Variants in TMEM135 observed in about 807,000 individuals in gnomAD.
TMEM135 encodes the protein transmembrane protein 135.
A neutral mutation model predicts 60.3 loss-of-function variants in TMEM135; 30 were observed. The observed-to-expected ratio is 0.50, with a 90% CI of 0.37 to 0.68. The LOEUF is 0.68. TMEM135 is among the 30% of genes least tolerant of loss of function. TMEM135 has a pLI of 0.00. For missense variants in TMEM135, 468 were observed against 548.8 expected (o/e 0.85, Z 1.47); for synonymous variants, 190 against 186.7 (o/e 1.02, Z -0.14).
intron 4 of TMEM135, among the ~76,000 whole-genome samples, chr11:87,126,928 T>A (rs544466870): frequency 6.6e-6 from 1 of 152,200 alleles, no homozygotes; most frequent in Admixed American, 6.5e-5. Context: ...AATTGTGGAA[T>A]TAGGGGGAAT....
intron 5 of TMEM135, among the ~76,000 whole-genome samples, chr11:87,171,863 C>G (rs1233406368): frequency 6.6e-6 from 1 of 152,124 alleles, no homozygotes; most frequent in Non-Finnish European, 1.5e-5. Flanking sequence ...CAACCTAGAT[C>G]CCTCCCATGT....
intron 3 of TMEM135, among the ~76,000 whole-genome samples, chr11:87,090,520 T>C (rs1023470367): frequency 1.3e-5 from 2 of 152,140 alleles, no homozygotes; most frequent in Admixed American, 1.3e-4. Flanking sequence ...ACTTTTTATA[T>C]ATATTTTATT....
chr11:87,068,432 G>GTTTA (rs1256237678), intron 2 of TMEM135, among the ~76,000 whole-genome samples: 9 of 151,946 alleles, frequency 5.9e-5, no homozygotes, highest in Non-Finnish European at 1.0e-4. Flanking sequence ...TCAAACTTAC[G>GTTTA]TTTATTTATT....
chr11:87,225,910 A>G (rs1368041048), intron 5 of TMEM135, among the ~76,000 whole-genome samples: 1 of 152,118 alleles, frequency 6.6e-6, no homozygotes, highest in Non-Finnish European at 1.5e-5. Flanking sequence ...ATAATTTATT[A>G]TTATGAATAT....
chr11:87,283,342 AAAAAG>A (rs745475947), intron 6 of TMEM135, among the ~76,000 whole-genome samples: 2 of 151,984 alleles, frequency 1.3e-5, no homozygotes, highest in Non-Finnish European at 2.9e-5. Flanking sequence ...TCAAAAAAAA[AAAAAG>A]AAAAGAAAAA....
intron 6 of TMEM135, among the ~76,000 whole-genome samples, chr11:87,276,984 A>T (rs1054400173): frequency 6.6e-6 from 1 of 151,470 alleles, no homozygotes; most frequent in African/African-American, 2.4e-5. Flanking sequence ...TTTTTAAAAA[A>T]TAATTTAATA....
chr11:87,226,320 A>C (rs1046116348), intron 5 of TMEM135, among the ~76,000 whole-genome samples: 5 of 152,126 alleles, frequency 3.3e-5, no homozygotes, highest in Admixed American at 3.3e-4. Context: ...AGTATACTTG[A>C]ATTAGTATTC....
chr11:87,111,140 C>T (rs763353419), intron 4 of TMEM135, among the ~76,000 whole-genome samples: 10 of 152,140 alleles, frequency 6.6e-5, no homozygotes, highest in East Asian at 1.9e-4. Flanking sequence ...CAAAGAAGGA[C>T]GAAGAAATGC....
intron 6 of TMEM135, among the ~76,000 whole-genome samples, chr11:87,253,606 T>C: frequency 2.5e-5 from 1 of 39,638 alleles, no homozygotes. Context: ...TCAATCAAGA[T>C]TGTTGTTTGA....
chr11:87,257,769 A>T (rs1354819237), intron 6 of TMEM135, among the ~76,000 whole-genome samples: 2 of 151,976 alleles, frequency 1.3e-5, no homozygotes, highest in African/African-American at 4.8e-5. Context: ...TTTAGGGTTG[A>T]TGAAAATGTT....
intron 6 of TMEM135, among the ~76,000 whole-genome samples, chr11:87,243,214 C>G (rs1417280028): frequency 9.1e-6 from 1 of 109,564 alleles, no homozygotes; most frequent in African/African-American, 3.6e-5. Context: ...CGATCTATAT[C>G]TCTGTTTTGG....
intron 4 of TMEM135, among the ~76,000 whole-genome samples, chr11:87,152,669 C>T (rs1371038217): frequency 2.0e-5 from 3 of 152,164 alleles, no homozygotes; most frequent in Non-Finnish European, 1.5e-5. Context: ...CAACTCCTGA[C>T]CTCAGGCGCC....
intron 3 of TMEM135, among the ~76,000 whole-genome samples, chr11:87,076,315 C>G (rs1274077817): frequency 6.6e-6 from 1 of 152,216 alleles, no homozygotes; most frequent in Non-Finnish European, 1.5e-5. Flanking sequence ...TGGGCACCAC[C>G]ACCACCAGCC....
At chr11:87,302,670 G>T (rs1434583952) in intron 8 of TMEM135, among the ~76,000 whole-genome samples, 1 of 152,122 alleles carries the variant, frequency 6.6e-6, no homozygotes, top group Non-Finnish European at 1.5e-5. Flanking sequence ...GCATAAAATT[G>T]GAATACTTTT....
intron 10 of TMEM135, among the ~76,000 whole-genome samples, chr11:87,312,940 G>A (rs1942666554): frequency 6.6e-6 from 1 of 151,816 alleles, no homozygotes; most frequent in Admixed American, 6.6e-5. Context: ...TTTGTCTGGT[G>A]TCATATTCCT....
At chr11:87,076,303 T>C (rs1415620481) in intron 3 of TMEM135, among the ~76,000 whole-genome samples, 1 of 152,194 alleles carries the variant, frequency 6.6e-6, no homozygotes, top group African/African-American at 2.4e-5. Context: ...AGCCTCTCCA[T>C]GTGGGCACCA....
At chr11:87,247,661 G>T (rs186207692) in intron 6 of TMEM135, among the ~76,000 whole-genome samples, 11 of 152,308 alleles carry the variant, frequency 7.2e-5, no homozygotes, top group South Asian at 6.2e-4. Context: ...CTCCGAGCCA[G>T]GTGTGGGATA....
chr11:87,111,986 T>A (rs1857763709), intron 4 of TMEM135, among the ~76,000 whole-genome samples: 1 of 152,184 alleles, frequency 6.6e-6, no homozygotes, highest in Non-Finnish European at 1.5e-5. Context: ...TATCTAAATG[T>A]TATTGATTGA....
chr11:87,162,384 C>G (rs1282147770), intron 5 of TMEM135, among the ~76,000 whole-genome samples: 1 of 152,080 alleles, frequency 6.6e-6, no homozygotes, highest in Non-Finnish European at 1.5e-5. Flanking sequence ...CCTCCAACGC[C>G]CGACAGGCCC....
Sources: gnomAD v4.1 joint callset for allele counts (sites outside exome capture counted in the v4.1 genomes callset) on GRCh38, gnomAD v4.1.1 for gene constraint, MANE v1.5 for transcripts, NCBI Gene and HGNC (gene_info 2026-07-23, HGNC 2026-07-21) for gene names.